The following TRAPPC9 variants were observed in gnomAD, a reference collection of about 807,000 sequenced individuals.
TRAPPC9 encodes the protein IKK2 binding protein.
TRAPPC9 carries 83 observed loss-of-function variants against 124.0 expected under a neutral mutation model. That is an observed-to-expected ratio of 0.67 (90% confidence interval 0.56 to 0.80). TRAPPC9 has a LOEUF of 0.80. Among genes scored for constraint, TRAPPC9 ranks in the 30% least tolerant of loss-of-function variants. The probability of loss-of-function intolerance (pLI) is 0.00; values close to 1 mark genes in which losing one functional copy is unlikely to be tolerated. For missense variants in TRAPPC9, 1,302 were observed against 1,508.3 expected, an observed-to-expected ratio of 0.86 and a Z score of 2.27; for synonymous variants, 638 against 617.5, an observed-to-expected ratio of 1.03 and a Z score of -0.49.
intron 17 of TRAPPC9, among the ~76,000 whole-genome samples, chr8:140,072,120 G>C (rs571293927): frequency 2.6e-5 from 4 of 152,210 alleles, no homozygotes; most frequent in Non-Finnish European, 5.9e-5. Context: ...AAATTGTTCT[G>C]TATCTTTATT....
rs774584839 is a variant in TRAPPC9 at position 140,300,604 on chromosome 8, G to C, written c.1633C>G (p.Leu545Val). Residue 545 changes from leucine (L) to valine (V), a missense_variant, in exon 11 of 23, where the codon CTA (leucine) becomes GTA (valine). By Grantham distance (32) the Leu-to-Val change is conservative. Transcript: ENST00000438773. ...CGGAGGCTAGCAGGAAGGTTCAATA[G>C]TTTCACATGCCTGTTGTTTCAAACA... ...TKLPIVRHVK[L>V]LNLPASLRPH... The C allele has an allele frequency of 1.2e-6, 2 of 1,614,238 alleles. No homozygotes were observed. Among genetic ancestry groups the C allele is most frequent in the Non-Finnish European group, 1.7e-6 (2 of 1,180,048 alleles).
chr8:139,826,296 A>G (rs115615841), intron 21 of TRAPPC9, among the ~76,000 whole-genome samples: 1,717 of 152,308 alleles, frequency 0.011, 34 homozygotes, highest in African/African-American at 0.039. Context: ...CCAGAGGACT[A>G]CACTGCAGGT....
chr8:139,797,161 T>C (rs777924348), intron 21 of TRAPPC9, among the ~76,000 whole-genome samples: 1 of 152,242 alleles, frequency 6.6e-6, no homozygotes, highest in Non-Finnish European at 1.5e-5. Context: ...CCTTATCAGA[T>C]ATATGGTTTG....
intron 21 of TRAPPC9, among the ~76,000 whole-genome samples, chr8:139,756,400 T>TG (rs1819782128): frequency 8.4e-6 from 1 of 119,194 alleles, no homozygotes; most frequent in Non-Finnish European, 1.7e-5. Flanking sequence ...GGTTGGGGTA[T>TG]AAGGACAGCA....
chr8:140,177,017 G>T (rs1587861417), intron 17 of TRAPPC9, among the ~76,000 whole-genome samples: 1 of 152,158 alleles, frequency 6.6e-6, no homozygotes, highest in African/African-American at 2.4e-5. Flanking sequence ...ACTATTGGTT[G>T]TAAGAGCTTT....
chr8:140,359,940 A>T, intron 9 of TRAPPC9, 110 bp downstream of exon 9: 1 of 1,462,304 alleles, frequency 6.8e-7, no homozygotes, highest in Non-Finnish European at 9.5e-7. Context: ...AGAGCTGGGC[A>T]GCATCTTCCA....
Position 140,054,191 on chromosome 8 carries a change from G to A in TRAPPC9, c.2557-30112C>T, listed in dbSNP as rs559189394. On this transcript the variant is annotated intron_variant, in intron 17 of 22. Transcript: ENST00000438773. Reference sequence around the variant, plus strand: ...TCCAAAAGTGGGGAGGTCAAGGGAAGGTCTGAAAATCTACCTGTTGGGTAC... The same window carrying A: ...TCCAAAAGTGGGGAGGTCAAGGGAAAGTCTGAAAATCTACCTGTTGGGTAC... Among the ~76,000 whole-genome samples the A allele has an allele frequency of 2.0e-5, 3 of 152,284 alleles. No homozygotes were observed. The East Asian group carries it at 5.8e-4, about 29-fold the overall frequency.
intron 19 of TRAPPC9, among the ~76,000 whole-genome samples, chr8:139,917,881 G>A (rs772460231): frequency 4.6e-5 from 7 of 152,298 alleles, no homozygotes; most frequent in Admixed American, 2.0e-4. Flanking sequence ...AATACTGCTC[G>A]TTGTTAACAA....
chr8:140,249,597 CTTT>C (rs35511380), intron 16 of TRAPPC9, among the ~76,000 whole-genome samples: 117 of 81,966 alleles, frequency 1.4e-3, no homozygotes, highest in African/African-American at 5.4e-3. Flanking sequence ...ATCTTTCACT[CTTT>C]TTTTTTTTTT....
intron 7 of TRAPPC9, among the ~76,000 whole-genome samples, chr8:140,393,720 CA>C (rs2069002236): frequency 6.6e-6 from 1 of 152,170 alleles, no homozygotes; most frequent in East Asian, 1.9e-4. Context: ...AAGTCATTTC[CA>C]GGAATAGATA....
intron 21 of TRAPPC9, among the ~76,000 whole-genome samples, chr8:139,852,192 C>T (rs1013568767): frequency 3.9e-5 from 6 of 152,200 alleles, no homozygotes; most frequent in African/African-American, 1.4e-4. Context: ...TTGCCTTCCA[C>T]CACAATTGTG....
chr8:140,210,806 T>G (rs2063042124), intron 17 of TRAPPC9, among the ~76,000 whole-genome samples: 1 of 152,200 alleles, frequency 6.6e-6, no homozygotes, highest in South Asian at 2.1e-4. Context: ...CAGAAGCATG[T>G]CTTATGCAAG....
At chr8:140,039,242 C>T (rs557581513) in intron 17 of TRAPPC9, among the ~76,000 whole-genome samples, 243 of 152,302 alleles carry the variant, frequency 1.6e-3, no homozygotes, top group African/African-American at 5.6e-3. Context: ...GGACTATAAA[C>T]GTGAAGTTCA....
chr8:140,388,218 T>G (rs2068812402), intron 7 of TRAPPC9, among the ~76,000 whole-genome samples: 1 of 130,506 alleles, frequency 7.7e-6, no homozygotes, highest in African/African-American at 3.1e-5. Context: ...CACCGGGGCC[T>G]GTTGTGGGGT....
chr8:139,884,591 G>T (rs754779701), intron 21 of TRAPPC9, among the ~76,000 whole-genome samples: 4 of 152,194 alleles, frequency 2.6e-5, no homozygotes, highest in Non-Finnish European at 5.9e-5. Context: ...TCACGGCCAG[G>T]GGGGCCCAGA....
intron 17 of TRAPPC9, among the ~76,000 whole-genome samples, chr8:140,211,887 A>G (rs1286046058): frequency 6.6e-6 from 1 of 152,202 alleles, no homozygotes; most frequent in African/African-American, 2.4e-5. Context: ...GGAGCTCAGC[A>G]ATATAAGCAA....
rs1326326833 is a variant in TRAPPC9, at chr8:140,252,974, C to T, written c.2279-45G>A. The T allele has an allele frequency of 3.8e-6, 6 of 1,592,062 alleles. No individual in the cohort carries two copies. In the Admixed American group the frequency reaches 1.0e-4, roughly 27 times the overall value. On this transcript the variant is annotated intron_variant, in intron 15 of 22. Coordinates refer to ENST00000438773, the MANE Select transcript of TRAPPC9 (RefSeq NM_001160372.4). This position sits in a 1 kb window ranked among gnomAD's most constrained non-coding sequence, Gnocchi z 4.2. The stretch of plus-strand genomic sequence containing the variant: ...AGTGATGAGGATGCTGTAACTGAGG[C>T]AGTATGGGACTTACCAATCCCCTAG...
At chr8:139,908,021 A>G (rs531533163) in intron 20 of TRAPPC9, among the ~76,000 whole-genome samples, 3 of 152,314 alleles carry the variant, frequency 2.0e-5, no homozygotes, top group African/African-American at 7.2e-5. Context: ...GACGTGGCCC[A>G]GGGCAGCACC....
intron 17 of TRAPPC9, among the ~76,000 whole-genome samples, chr8:140,219,677 A>G (rs183951135): frequency 2.6e-5 from 4 of 152,218 alleles, no homozygotes; most frequent in Admixed American, 2.6e-4. Flanking sequence ...TCATTAAACT[A>G]TCTCTTCGCT....
Sources: gnomAD v4.1 joint callset for allele counts (sites outside exome capture counted in the v4.1 genomes callset) on GRCh38, gnomAD v4.1.1 for gene constraint, Gnocchi (gnomAD v3.1) non-coding constraint, MANE v1.5 for transcripts, NCBI Gene and HGNC (gene_info 2026-07-23, HGNC 2026-07-21) for gene names.